Variants in ZNF532 observed in about 807,000 individuals in gnomAD.
ZNF532 encodes the protein zinc finger protein 532.
Under a neutral mutation model 89.3 loss-of-function variants are expected in ZNF532, and 22 were observed. The observed-to-expected ratio is 0.25, with a 90% CI of 0.18 to 0.35. The LOEUF is 0.35. Ranked by LOEUF, ZNF532 falls within the 10% of genes least tolerant of loss-of-function variation. The pLI, the probability that ZNF532 is intolerant of heterozygous loss-of-function variation, is 1.00. For missense variants in ZNF532, 1,132 were observed against 1,643.4 expected (o/e 0.69, Z 5.38); for synonymous variants, 606 against 649.6 (o/e 0.93, Z 1.02).
chr18:58,942,543 G>A (rs1244327393), intron 5 of ZNF532, among the ~76,000 whole-genome samples: 2 of 152,104 alleles, frequency 1.3e-5, no homozygotes, highest in African/African-American at 4.8e-5. Context: ...GGGCTGGTCT[G>A]GCTGCCTGGA....
chr18:58,934,647 A>C, intron 4 of ZNF532, 33 bp downstream of exon 4: 1 of 1,590,094 alleles, frequency 6.3e-7, no homozygotes, highest in Non-Finnish European at 8.6e-7. Context: ...TGCAAGTAAA[A>C]CTCGTTCACT....
At chr18:58,951,908 CAA>C (rs1388049567) in intron 6 of ZNF532, among the ~76,000 whole-genome samples, 1 of 152,124 alleles carries the variant, frequency 6.6e-6, no homozygotes, top group Non-Finnish European at 1.5e-5. Flanking sequence ...CTCGGCCTCC[CAA>C]AGTGCTGGGA....
chr18:58,875,612 A>T (rs2057359557), intron 2 of ZNF532, among the ~76,000 whole-genome samples: 1 of 152,146 alleles, frequency 6.6e-6, no homozygotes, highest in South Asian at 2.1e-4. Context: ...TCATTATGGA[A>T]AGGGAACCAG....
At position 58,985,007 on chromosome 18, in the gene ZNF532, T is replaced by TC. The variant is rs2068256929; in HGVS notation, c.*542dup. On this transcript the variant is annotated 3_prime_UTR_variant, in exon 10 of 10. Coordinates refer to ENST00000591808, the MANE Select transcript of ZNF532 (RefSeq NM_001375912.1). ...ATGTGCCTGCCCTGAGGGAGTGAGTTCACATTTGAGACAACTGCACTCCAG... is the reference window on the plus strand; with the variant it reads ...ATGTGCCTGCCCTGAGGGAGTGAGTTCCACATTTGAGACAACTGCACTCCAG... 1 of 155,202 alleles carries TC rather than the reference T, an allele frequency of 6.4e-6. No homozygotes were observed. The highest frequency in any genetic ancestry group is 2.4e-5 in the African/African-American group (1 of 41,472). The allele number at this position is 155,202 out of a possible 1,614,324, so 9.6% of individuals were successfully genotyped here.
intron 7 of ZNF532, among the ~76,000 whole-genome samples, chr18:58,961,734 T>C (rs539536206): frequency 6.6e-6 from 1 of 152,200 alleles, no homozygotes; most frequent in Non-Finnish European, 1.5e-5. Context: ...CTAGAAACAG[T>C]GGCAGGAGGA....
chr18:58,895,857 C>CTT lies in ZNF532; in HGVS notation c.-17-22402_-17-22401dup, dbSNP rs145464064. Among the ~76,000 whole-genome samples the CTT allele has an allele frequency of 1.9e-4, 28 of 144,046 alleles. No individual in the cohort carries two copies. The East Asian group carries it at 3.6e-3, about 19-fold the overall frequency. 94.5% of individuals were successfully genotyped at this position (144,046 alleles called of 152,430 possible). A position where few individuals can be genotyped will look rare whatever the true frequency, so the allele number is the denominator to read the frequency against. ...AAATCTTCACTTTCTTTCTTTCTTT[C>CTT]TTTTTTTTTTTTTGAGATGGTCTCA... On this transcript the variant is annotated intron_variant, in intron 2 of 9. Coordinates refer to ENST00000591808, the MANE Select transcript of ZNF532 (RefSeq NM_001375912.1).
intron 2 of ZNF532, among the ~76,000 whole-genome samples, chr18:58,880,275 G>A (rs1258049710): frequency 3.9e-5 from 6 of 152,210 alleles, no homozygotes; most frequent in Admixed American, 3.9e-4. Context: ...GTAGAATGCA[G>A]CTAGGGAAAC....
intron 2 of ZNF532, among the ~76,000 whole-genome samples, chr18:58,900,156 G>A (rs1247735388): frequency 1.3e-5 from 2 of 152,180 alleles, no homozygotes; most frequent in Admixed American, 6.5e-5. Context: ...GTCTGTCTGC[G>A]CAGCTGCGGC....
chr18:58,912,501 C>T (rs1299611451), intron 2 of ZNF532, among the ~76,000 whole-genome samples: 3 of 152,146 alleles, frequency 2.0e-5, no homozygotes, highest in Non-Finnish European at 1.5e-5. Context: ...AGAGTGTGAT[C>T]AGGGTGCCCA....
At chr18:58,960,942 T>G (rs1265552211) in intron 7 of ZNF532, among the ~76,000 whole-genome samples, 2 of 152,250 alleles carry the variant, frequency 1.3e-5, no homozygotes, top group South Asian at 4.1e-4. Flanking sequence ...GAGGTAGATA[T>G]GGCTTAGCTA....
intron 2 of ZNF532, among the ~76,000 whole-genome samples, chr18:58,867,038 G>A (rs1017775322): frequency 3.9e-5 from 6 of 152,248 alleles, no homozygotes; most frequent in Admixed American, 2.6e-4. Flanking sequence ...TCCACGCTGC[G>A]CGTGGTGTGC....
chr18:58,892,397 C>T (rs116863793), intron 2 of ZNF532, among the ~76,000 whole-genome samples: 4,185 of 152,290 alleles, frequency 0.027, 89 homozygotes, highest in Non-Finnish European at 0.043. Context: ...AGACCTGGAA[C>T]GGTATCTGGG....
At chr18:58,958,436 T>C (rs1247855631) in intron 7 of ZNF532, among the ~76,000 whole-genome samples, 1 of 152,262 alleles carries the variant, frequency 6.6e-6, no homozygotes, top group Non-Finnish European at 1.5e-5. Context: ...AAGTTTTTTC[T>C]CAAATGCTTA....
intron 2 of ZNF532, among the ~76,000 whole-genome samples, chr18:58,897,872 G>C (rs2059349761): frequency 6.6e-6 from 1 of 152,168 alleles, no homozygotes; most frequent in Admixed American, 6.5e-5. Flanking sequence ...AGAATTGCTT[G>C]AATTCAGAGG....
intron 2 of ZNF532, among the ~76,000 whole-genome samples, chr18:58,895,502 G>C (rs1279211341): frequency 2.0e-5 from 3 of 152,330 alleles, no homozygotes; most frequent in Middle Eastern, 6.8e-3. Context: ...TTAACCATTT[G>C]ACCCTAAGAT....
At chr18:58,951,158 T>G (rs2064124780) in intron 6 of ZNF532, among the ~76,000 whole-genome samples, 1 of 152,108 alleles carries the variant, frequency 6.6e-6, no homozygotes, top group Non-Finnish European at 1.5e-5. Flanking sequence ...AGACAGGGTT[T>G]CACTAGTTGT....
chr18:58,946,718 G>A (rs2063693774), intron 5 of ZNF532, among the ~76,000 whole-genome samples: 1 of 152,144 alleles, frequency 6.6e-6, no homozygotes, highest in Admixed American at 6.5e-5. Flanking sequence ...ACATTGTGCT[G>A]CATTGTACGG....
At chr18:58,899,879 T>C (rs2059491450) in intron 2 of ZNF532, among the ~76,000 whole-genome samples, 1 of 152,242 alleles carries the variant, frequency 6.6e-6, no homozygotes. Flanking sequence ...TGGGGAGAGA[T>C]CTTGATTTCC....
chr18:58,921,963 C>T (rs1004098359), intron 3 of ZNF532, among the ~76,000 whole-genome samples: 3 of 151,986 alleles, frequency 2.0e-5, no homozygotes, highest in African/African-American at 4.8e-5. Context: ...AAACATTAGC[C>T]GGGCTTGGTG....
Sources: allele counts gnomAD v4.1 joint callset (sites outside exome capture counted in the v4.1 genomes callset), GRCh38; gene constraint gnomAD v4.1.1; transcripts MANE v1.5; gene names NCBI Gene and HGNC (gene_info 2026-07-23, HGNC 2026-07-21).